DENND2A: variants seen among roughly 807,000 people sequenced by gnomAD.
The protein encoded by DENND2A is DENN domain containing 2A.
In DENND2A, 53 loss-of-function variants were observed where a neutral mutation model predicts 105.3. The ratio of observed to expected loss-of-function variants is 0.50; its 90% confidence interval spans 0.40 to 0.63. The LOEUF (loss-of-function observed/expected upper bound fraction) is 0.63. DENND2A is among the 30% of genes least tolerant of loss of function. The probability of loss-of-function intolerance (pLI) is 0.00; values close to 1 mark genes in which losing one functional copy is unlikely to be tolerated. For synonymous variants in DENND2A, 522 were observed against 508.4 expected, an observed-to-expected ratio of 1.03 and a Z score of -0.36; for missense variants, 1,138 against 1,279.6, an observed-to-expected ratio of 0.89 and a Z score of 1.69.
intron 4 of DENND2A, 70 bp from the exon 5 acceptor site, chr7:140,585,780 T>A (rs1262146683): frequency 2.5e-6 from 4 of 1,603,946 alleles, no homozygotes; most frequent in Non-Finnish European, 3.4e-6. Flanking sequence ...AACACTGAGG[T>A]CAGTATCTTG....
chr7:140,576,260 A>C (rs1798296471), intron 5 of DENND2A, among the ~76,000 whole-genome samples: 1 of 151,082 alleles, frequency 6.6e-6, no homozygotes, highest in Non-Finnish European at 1.5e-5. Context: ...TAGTTATAAT[A>C]ACTTTTTATA....
chr7:140,558,599 G>A (rs904986661), intron 10 of DENND2A, among the ~76,000 whole-genome samples: 1 of 151,882 alleles, frequency 6.6e-6, no homozygotes, highest in African/African-American at 2.4e-5. Flanking sequence ...GGGAGGCTGA[G>A]GCAGGAGAAC....
chr7:140,545,446 G>A (rs779415791), intron 13 of DENND2A, among the ~76,000 whole-genome samples: 9 of 152,252 alleles, frequency 5.9e-5, no homozygotes, highest in Admixed American at 3.3e-4. Context: ...CGCCTCCCAG[G>A]TTTGAGCGAT....
chr7:140,578,398 G>A (rs1174114874), intron 5 of DENND2A, among the ~76,000 whole-genome samples: 2 of 152,160 alleles, frequency 1.3e-5, no homozygotes, highest in African/African-American at 4.8e-5. Context: ...CTGCCTGTGG[G>A]AGACTACAGG....
intron 3 of DENND2A, among the ~76,000 whole-genome samples, chr7:140,592,099 G>A (rs974694885): frequency 1.1e-4 from 16 of 145,308 alleles, no homozygotes; most frequent in Non-Finnish European, 2.3e-4. Flanking sequence ...TGTCACCCAG[G>A]TGCAATCTCG....
Position 140,527,187 on chromosome 7 carries a change from C to T in DENND2A, c.2505+131G>A. ...GGGCAGGACCCATGCCAGACAAAGC[C>T]CTGGTGCCCCCACGCCCTGCTCCCC... On this transcript the variant is annotated intron_variant, in intron 15 of 19. Coordinates refer to ENST00000496613, the MANE Select transcript of DENND2A (RefSeq NM_015689.5). This position sits in a 1 kb window ranked among gnomAD's most constrained non-coding sequence, Gnocchi z 4.9. 6 of 1,001,692 alleles carry T rather than the reference C, an allele frequency of 6.0e-6. No individual in the cohort carries two copies. The highest frequency in any genetic ancestry group is 8.5e-6 in the Non-Finnish European group (6 of 709,482). 62.1% of individuals were successfully genotyped at this position (1,001,692 alleles called of 1,614,324 possible). A position where few individuals can be genotyped will look rare whatever the true frequency, so the allele number is the denominator to read the frequency against.
rs140646476 is a variant in DENND2A at position 140,560,449 on chromosome 7, C to CCT, written c.1780-634_1780-633dup. Among the ~76,000 whole-genome samples, 4 of 151,372 alleles carry CCT rather than the reference C, an allele frequency of 2.6e-5. No homozygotes were observed. In the East Asian group the frequency reaches 5.8e-4, roughly 22 times the overall value. ...AGAAAAATGATCTTAATCTTTTTTTCCTCTCTCTCTCTCTTTATGATATTC... is the reference window on the plus strand; with the variant it reads ...AGAAAAATGATCTTAATCTTTTTTTCCTCTCTCTCTCTCTCTTTATGATATTC... On this transcript the variant is annotated intron_variant, in intron 9 of 19. Transcript: ENST00000496613.
Position 140,572,542 on chromosome 7 carries a change from C to T in DENND2A, c.1446+1266G>A, listed in dbSNP as rs567323461. On this transcript the variant is annotated intron_variant, in intron 6 of 19. Transcript: ENST00000496613. Reference sequence around the variant, plus strand: ...CTTTGGGAGGCTGAGGCAGGCGGATCACGCGGTCAGCAGTTCGAGACCAGC... The same window carrying T: ...CTTTGGGAGGCTGAGGCAGGCGGATTACGCGGTCAGCAGTTCGAGACCAGC... 2.6e-5 allele frequency among the ~76,000 whole-genome samples: 4 copies of T among 151,662 alleles called. No homozygotes were observed. The South Asian group carries it at 8.3e-4, about 31-fold the overall frequency.
chr7:140,572,558 C>G (rs578135608), intron 6 of DENND2A, among the ~76,000 whole-genome samples: 1 of 151,290 alleles, frequency 6.6e-6, no homozygotes, highest in African/African-American at 2.4e-5. Context: ...GTCAGCAGTT[C>G]GAGACCAGCC....
intron 12 of DENND2A, among the ~76,000 whole-genome samples, chr7:140,547,668 C>T (rs1420306477): frequency 6.6e-6 from 1 of 152,110 alleles, no homozygotes; most frequent in Non-Finnish European, 1.5e-5. Flanking sequence ...TATATGTTCA[C>T]ATAAAAATTT....
rs868738169 is a variant in DENND2A, at chr7:140,569,828, T to G, written c.1447-90A>C. On this transcript the variant is annotated intron_variant, in intron 6 of 19. Transcript: ENST00000496613. The stretch of plus-strand genomic sequence containing the variant: ...CCTCACTGCCCCTCTCCTAGGACGA[T>G]GGAGGGCCAGGGCCAGGGGGAGTGG... 7.0e-6 allele frequency: 6 copies of G among 861,112 alleles called. No individual in the cohort carries two copies. The Admixed American group carries it at 8.7e-5, about 13-fold the overall frequency. The allele number at this position is 861,112 out of a possible 1,614,324, so 53.3% of individuals were successfully genotyped here.
At chr7:140,587,336 GGC>G (rs1212216727) in intron 4 of DENND2A, among the ~76,000 whole-genome samples, 1 of 152,140 alleles carries the variant, frequency 6.6e-6, no homozygotes, top group African/African-American at 2.4e-5. Context: ...GCGGCCAACA[GGC>G]AGCAGAACCA....
At chr7:140,631,049 G>A (rs1395741732) in intron 1 of DENND2A, among the ~76,000 whole-genome samples, 4 of 152,086 alleles carry the variant, frequency 2.6e-5, no homozygotes, top group Non-Finnish European at 4.4e-5. Context: ...GACAAGTGGC[G>A]CAGATTCATC....
At chr7:140,593,257 G>T (rs1031299683) in intron 3 of DENND2A, among the ~76,000 whole-genome samples, 1 of 152,190 alleles carries the variant, frequency 6.6e-6, no homozygotes, top group Non-Finnish European at 1.5e-5. Context: ...TGATACAAAG[G>T]CGAGAGGTCC....
chr7:140,567,091 G>A lies in DENND2A; in HGVS notation c.1774C>T (p.Leu592=). ...YVPELTQQFP[L]KLERSFKFMR... The stretch of plus-strand genomic sequence containing the variant: ...GGACCTGGCCACCCTGTTACCTTCA[G>A]AGGGAACTGTTGGGTGAGTTCTGGC... The change falls in exon 9 of 20, where the codon CTG becomes TTG. Residue 592 remains leucine, a synonymous_variant. Transcript: ENST00000496613. 1 of 1,587,378 alleles carries A rather than the reference G, an allele frequency of 6.3e-7. No homozygotes were observed. The highest frequency in any genetic ancestry group is 8.6e-7 in the Non-Finnish European group (1 of 1,165,892).
At chr7:140,612,450 A>C (rs1253145288) in intron 1 of DENND2A, among the ~76,000 whole-genome samples, 1 of 152,092 alleles carries the variant, frequency 6.6e-6, no homozygotes, top group Non-Finnish European at 1.5e-5. Flanking sequence ...CTGAAGCATA[A>C]GTAAATATGT....
chr7:140,603,659 C>A (rs1055505877), intron 2 of DENND2A, among the ~76,000 whole-genome samples: 1 of 152,212 alleles, frequency 6.6e-6, no homozygotes, highest in Non-Finnish European at 1.5e-5. Context: ...ATATCTGGTG[C>A]ATGAATGAAT....
chr7:140,580,326 T>C (rs1350257619), intron 5 of DENND2A, among the ~76,000 whole-genome samples: 3 of 152,142 alleles, frequency 2.0e-5, no homozygotes, highest in African/African-American at 4.8e-5. Flanking sequence ...TGTATGCATG[T>C]ATGTATGTAT....
At chr7:140,573,524 G>T (rs1193012986) in intron 6 of DENND2A, among the ~76,000 whole-genome samples, 3 of 152,180 alleles carry the variant, frequency 2.0e-5, no homozygotes, top group Non-Finnish European at 4.4e-5. Flanking sequence ...GTGAAGGAAG[G>T]AGCTGTGGCT....
Sources: gnomAD v4.1 joint callset for allele counts (sites outside exome capture counted in the v4.1 genomes callset) on GRCh38, gnomAD v4.1.1 for gene constraint, Gnocchi (gnomAD v3.1) non-coding constraint, MANE v1.5 for transcripts, NCBI Gene and HGNC (gene_info 2026-07-23, HGNC 2026-07-21) for gene names.